ARPP21: variants seen among roughly 807,000 people sequenced by gnomAD.
ARPP21 encodes the protein cAMP regulated phosphoprotein 21.
A neutral mutation model predicts 113.2 loss-of-function variants in ARPP21; 69 were observed. The ratio of observed to expected loss-of-function variants is 0.61; its 90% CI spans 0.50 to 0.74. The LOEUF (loss-of-function observed/expected upper bound fraction) is 0.74, where lower values mean the gene tolerates loss of function less well. Ranked by LOEUF, ARPP21 falls within the 30% of genes least tolerant of loss-of-function variation. The pLI is 0.00. For missense variants in ARPP21, 1,070 were observed against 1,037.4 expected (o/e 1.03, Z -0.43); for synonymous variants, 368 against 375.5 (o/e 0.98, Z 0.23).
intron 19 of ARPP21, among the ~76,000 whole-genome samples, chr3:35,747,031 T>G (rs1456815527): frequency 1.3e-5 from 2 of 152,058 alleles, no homozygotes; most frequent in African/African-American, 4.8e-5. Flanking sequence ...AGGAAGCCTA[T>G]GTTGGTGGTA....
chr3:35,773,024 T>G (rs1423073059), intron 19 of ARPP21, among the ~76,000 whole-genome samples: 1 of 152,214 alleles, frequency 6.6e-6, no homozygotes, highest in Non-Finnish European at 1.5e-5. Context: ...GCTGCTGTTT[T>G]GGCCATATCT....
At chr3:35,723,532 C>G (rs2093294934) in intron 14 of ARPP21, among the ~76,000 whole-genome samples, 1 of 152,146 alleles carries the variant, frequency 6.6e-6, no homozygotes, top group African/African-American at 2.4e-5. Flanking sequence ...AGAAAATCCA[C>G]TGTAGTACAC....
intron 19 of ARPP21, among the ~76,000 whole-genome samples, chr3:35,747,051 A>G (rs2095100905): frequency 6.6e-6 from 1 of 152,170 alleles, no homozygotes; most frequent in African/African-American, 2.4e-5. Context: ...AATTATAAAT[A>G]AAGAACACTA....
chr3:35,789,724 C>G (rs115233504), intron 19 of ARPP21, among the ~76,000 whole-genome samples: 3,947 of 152,312 alleles, frequency 0.026, 58 homozygotes, highest in Non-Finnish European at 0.038. Flanking sequence ...GAATTCTGCT[C>G]TCACAGGCTC....
At chr3:35,716,912 A>G (rs1397286317) in intron 12 of ARPP21, among the ~76,000 whole-genome samples, 3 of 152,042 alleles carry the variant, frequency 2.0e-5, no homozygotes, top group African/African-American at 7.2e-5. Context: ...AAATAAATAC[A>G]TTTCTTGGAT....
intron 1 of ARPP21, among the ~76,000 whole-genome samples, chr3:35,655,472 G>A (rs551534471): frequency 3.3e-5 from 5 of 151,952 alleles, no homozygotes; most frequent in East Asian, 1.9e-4. Flanking sequence ...TTCTCTGCAC[G>A]TCACAGCTGA....
intron 15 of ARPP21, among the ~76,000 whole-genome samples, chr3:35,730,130 G>A (rs1475868473): frequency 1.3e-5 from 2 of 152,098 alleles, no homozygotes; most frequent in Non-Finnish European, 2.9e-5. Context: ...ATTTTGGTGG[G>A]GTTTAGAAAA....
At chr3:35,698,219 A>G (rs2149788878) in intron 9 of ARPP21, among the ~76,000 whole-genome samples, 1 of 151,776 alleles carries the variant, frequency 6.6e-6, no homozygotes, top group Admixed American at 6.6e-5. Flanking sequence ...TTTTCTTCAA[A>G]TATTATATTT....
intron 1 of ARPP21, among the ~76,000 whole-genome samples, chr3:35,663,708 G>A (rs1347621123): frequency 2.0e-5 from 3 of 152,216 alleles, no homozygotes; most frequent in African/African-American, 2.4e-5. Context: ...TCAGAGCCAC[G>A]GTTCTGGGAA....
intron 19 of ARPP21, among the ~76,000 whole-genome samples, chr3:35,776,347 A>G (rs977080812): frequency 1.3e-5 from 2 of 152,150 alleles, no homozygotes; most frequent in African/African-American, 4.8e-5. Flanking sequence ...AGGGACTCAG[A>G]TGTGTTAGGT....
chr3:35,789,542 C>T (rs1398360066), intron 19 of ARPP21, among the ~76,000 whole-genome samples: 1 of 152,200 alleles, frequency 6.6e-6, no homozygotes, highest in Non-Finnish European at 1.5e-5. Flanking sequence ...ATTCACTCCC[C>T]ACATAAATCT....
At chr3:35,731,575 A>G (rs1174009252) in intron 15 of ARPP21, among the ~76,000 whole-genome samples, 3 of 152,192 alleles carry the variant, frequency 2.0e-5, no homozygotes, top group Non-Finnish European at 4.4e-5. Flanking sequence ...AAATTGAAAA[A>G]TATGCACATG....
Position 35,721,779 on chromosome 3 carries a change from G to A in ARPP21, c.1170G>A (p.Leu390=). Reference sequence around the variant, plus strand: ...CGAGTTTTGGGGGCATCACGGTGCTGACCAGGGGTGACAGCACTTCCAGTA... The same window carrying A: ...CGAGTTTTGGGGGCATCACGGTGCTAACCAGGGGTGACAGCACTTCCAGTA... The part of the protein sequence containing the change: ...KTASFGGITV[L]TRGDSTSSTR... The change falls in exon 14 of 21, where the codon CTG becomes CTA. Residue 390 remains leucine, a synonymous_variant. Transcript: ENST00000684406. 6.2e-7 allele frequency: 1 copy of A among 1,613,426 alleles called. No homozygotes were observed. Among genetic ancestry groups the A allele is most frequent in the Non-Finnish European group, 8.5e-7 (1 of 1,179,698 alleles).
intron 9 of ARPP21, among the ~76,000 whole-genome samples, chr3:35,697,899 C>G (rs560130225): frequency 2.6e-5 from 4 of 151,610 alleles, no homozygotes; most frequent in Non-Finnish European, 5.9e-5. Flanking sequence ...GAGCATCATC[C>G]TGATGTGGAT....
intron 15 of ARPP21, among the ~76,000 whole-genome samples, chr3:35,731,156 A>G (rs1369270461): frequency 6.6e-6 from 1 of 152,180 alleles, no homozygotes; most frequent in Non-Finnish European, 1.5e-5. Context: ...TTTAAGCAAA[A>G]TTACAGAGTG....
intron 19 of ARPP21, among the ~76,000 whole-genome samples, chr3:35,745,598 T>C (rs2094982223): frequency 6.6e-6 from 1 of 152,220 alleles, no homozygotes; most frequent in South Asian, 2.1e-4. Flanking sequence ...TCTAGATCTA[T>C]GTGAGGGGAT....
intron 1 of ARPP21, among the ~76,000 whole-genome samples, chr3:35,673,708 C>A (rs1385350425): frequency 6.6e-6 from 1 of 151,934 alleles, no homozygotes. Context: ...ACCTAAATGT[C>A]TCTTCCTTTT....
intron 19 of ARPP21, chr3:35,744,366 C>A (rs564338526): frequency 9.8e-6 from 4 of 408,752 alleles, no homozygotes; most frequent in Non-Finnish European, 1.9e-5. Flanking sequence ...CTAAAAGATA[C>A]TGCCTTTAGA....
At chr3:35,766,184 C>A (rs988323538) in intron 19 of ARPP21, among the ~76,000 whole-genome samples, 2 of 152,086 alleles carry the variant, frequency 1.3e-5, no homozygotes, top group African/African-American at 2.4e-5. Context: ...TGTTTTTATT[C>A]TTTGAAAACA....
Sources: gnomAD v4.1 joint callset for allele counts (sites outside exome capture counted in the v4.1 genomes callset) on GRCh38, gnomAD v4.1.1 for gene constraint, MANE v1.5 for transcripts, NCBI Gene and HGNC (gene_info 2026-07-23, HGNC 2026-07-21) for gene names.